The following GUCY2C variants were observed in gnomAD, a reference collection of about 807,000 sequenced individuals.
The protein encoded by GUCY2C is guanylate cyclase 2C, also known as guanylyl cyclase C.
Under a neutral mutation model 131.1 loss-of-function variants are expected in GUCY2C, and 118 were observed. The ratio of observed to expected loss-of-function variants is 0.90; its 90% CI spans 0.78 to 1.05. The LOEUF is 1.05. Among genes scored for constraint, GUCY2C ranks in the 50% least tolerant of loss-of-function variants. The pLI is 0.00. For synonymous variants in GUCY2C, 452 were observed against 457.8 expected (o/e 0.99, Z 0.16); for missense variants, 1,161 against 1,304.4 (o/e 0.89, Z 1.69).
intron 7 of GUCY2C, among the ~76,000 whole-genome samples, chr12:14,675,823 A>C (rs1175532651): frequency 6.6e-6 from 1 of 152,218 alleles, no homozygotes; most frequent in Non-Finnish European, 1.5e-5. Flanking sequence ...ATGGTCAAGT[A>C]ATATCCAGAT....
intron 11 of GUCY2C, among the ~76,000 whole-genome samples, chr12:14,657,369 A>G (rs558431198): frequency 1.3e-5 from 2 of 152,340 alleles, no homozygotes; most frequent in African/African-American, 4.8e-5. Flanking sequence ...CTTTTCAAAA[A>G]ATATGTTTAA....
chr12:14,636,914 C>G (rs368176771), intron 19 of GUCY2C, among the ~76,000 whole-genome samples: 1 of 151,820 alleles, frequency 6.6e-6, no homozygotes, highest in Admixed American at 6.6e-5. Context: ...CATGGTGAAA[C>G]CCCGTCTCTA....
Position 14,613,235 on chromosome 12 carries a change from T to C in GUCY2C, c.3104A>G (p.Gln1035Arg), listed in dbSNP as rs1366278110. 1.2e-6 allele frequency: 2 copies of C among 1,613,318 alleles called. No individual in the cohort carries two copies. Among genetic ancestry groups the C allele is most frequent in the Non-Finnish European group, 1.7e-6 (2 of 1,179,474 alleles). The change falls in exon 27 of 27, where the codon CAG becomes CGG. Residue 1035 changes from glutamine (Q) to arginine (R), a missense_variant. Transcript: ENST00000261170. The surrounding 1 kb of genome is among the most constrained non-coding windows in gnomAD (Gnocchi z 4.9). Reference protein sequence around the residue: ...EFSDMIANSLQKRQAAGIRSQ... With the variant: ...EFSDMIANSLRKRQAAGIRSQ... ...TCTTATCCCTGCTGCCTGTCTTTTCTGTAAAGAGTTGGCAATCATGTCTGA... is the reference window on the plus strand; with the variant it reads ...TCTTATCCCTGCTGCCTGTCTTTTCCGTAAAGAGTTGGCAATCATGTCTGA...
At chr12:14,658,774 T>G (rs1043630350) in intron 11 of GUCY2C, among the ~76,000 whole-genome samples, 2 of 151,818 alleles carry the variant, frequency 1.3e-5, no homozygotes, top group Admixed American at 6.6e-5. Flanking sequence ...CATTTAAAAC[T>G]CCACATAAAC....
rs1269925196 is a variant in GUCY2C, at chr12:14,622,084, G to A, written c.2522C>T (p.Thr841Ile). The change falls in exon 22 of 27, where the codon ACC becomes ATC. Residue 841 changes from threonine to isoleucine, a missense_variant. Physicochemically the swap from Thr to Ile is moderately conservative, Grantham distance 89 (BLOSUM62 -1). Coordinates refer to ENST00000261170, the MANE Select transcript of GUCY2C (RefSeq NM_004963.4). ...VGFTTICKYS[T>I]PMEVVDMLND... ...AAGCATGTCCACCACTTCCATGGGG[G>A]TGCTGTATTTGCAGATAGTAGTGAA... is the stretch of plus-strand genomic sequence containing the variant. 6.2e-7 allele frequency: 1 copy of A among 1,609,962 alleles called. No individual in the cohort carries two copies. Among genetic ancestry groups the A allele is most frequent in the Non-Finnish European group, 8.5e-7 (1 of 1,178,208 alleles).
At chr12:14,651,567 A>G in intron 14 of GUCY2C, 56 bp from the exon 15 acceptor site, 1 of 848,842 alleles carries the variant, frequency 1.2e-6, no homozygotes, top group Non-Finnish European at 2.0e-6. Flanking sequence ...TGCCAAAGTA[A>G]AAATTAATAT....
intron 11 of GUCY2C, among the ~76,000 whole-genome samples, chr12:14,657,175 G>T (rs776343554): frequency 6.6e-6 from 1 of 152,068 alleles, no homozygotes; most frequent in African/African-American, 2.4e-5. Flanking sequence ...ACTTTCCTAG[G>T]TTTTTCACTA....
In GUCY2C at chr12:14,661,046, C is replaced by A. The variant is rs1370374075; in HGVS notation, c.1299G>T (p.Met433Ile). 6.2e-7 allele frequency: 1 copy of A among 1,612,230 alleles called. No individual in the cohort carries two copies. The highest frequency in any genetic ancestry group is 1.7e-5 in the Admixed American group (1 of 60,012). ...DITGRGPQIL[M>I]IAVFTLTGAV... ...CTCCAGTGAGGGTGAAGACTGCAAT[C>A]ATCAGGATCTGAGGGCCTGTGGCGG... is the stretch of plus-strand genomic sequence containing the variant. The change falls in exon 11 of 27, where the codon ATG becomes ATT. Residue 433 changes from methionine to isoleucine, a missense_variant. Transcript: ENST00000261170.
chr12:14,619,503 G>A (rs1470872448), intron 23 of GUCY2C, 194 bp from the exon 24 acceptor site: 1 of 511,478 alleles, frequency 2.0e-6, no homozygotes, highest in Non-Finnish European at 3.5e-6. Flanking sequence ...TTCAATGCAT[G>A]CGATCATAAA....
At chr12:14,629,050 A>C (rs1009165249) in intron 19 of GUCY2C, among the ~76,000 whole-genome samples, 4 of 152,206 alleles carry the variant, frequency 2.6e-5, no homozygotes, top group Non-Finnish European at 5.9e-5. Context: ...AGAAAAAAAT[A>C]GTGAAGGTGT....
Position 14,657,859 on chromosome 12 carries a change from C to A in GUCY2C, c.1365-1242G>T, listed in dbSNP as rs1303898927. Among the ~76,000 whole-genome samples the A allele has an allele frequency of 7.2e-5, 11 of 152,162 alleles. 1 individual carries two copies. Among genetic ancestry groups the A allele is most frequent in the Admixed American group, 7.2e-4 (11 of 15,276 alleles). ...GAATTCTTGGGCTATAGACGATGTACACTTTCGACTTTGCAGATATCACCA... is the reference window on the plus strand; with the variant it reads ...GAATTCTTGGGCTATAGACGATGTAAACTTTCGACTTTGCAGATATCACCA... On this transcript the variant is annotated intron_variant, in intron 11 of 26. Coordinates refer to ENST00000261170, the MANE Select transcript of GUCY2C (RefSeq NM_004963.4).
chr12:14,671,436 C>T (rs1948108339), intron 9 of GUCY2C, among the ~76,000 whole-genome samples: 1 of 152,122 alleles, frequency 6.6e-6, no homozygotes, highest in South Asian at 2.1e-4. Context: ...CTGCACCCTG[C>T]CCAATGTTAC....
At chr12:14,646,218 C>T (rs958292511) in intron 15 of GUCY2C, among the ~76,000 whole-genome samples, 6 of 152,222 alleles carry the variant, frequency 3.9e-5, no homozygotes, top group African/African-American at 1.4e-4. Context: ...TAATACATAA[C>T]TGTTCTTCAC....
intron 9 of GUCY2C, 39 bp from the exon 10 acceptor site, chr12:14,669,872 A>G (rs112826773): frequency 2.5e-6 from 2 of 802,014 alleles, no homozygotes; most frequent in South Asian, 3.2e-5. Flanking sequence ...ATGAACAGTA[A>G]AACATTATAG....
At position 14,676,109 on chromosome 12, in the gene GUCY2C, C is replaced by G. The variant is rs574426325; in HGVS notation, c.948+745G>C. 9.3e-4 allele frequency among the ~76,000 whole-genome samples: 142 copies of G among 152,236 alleles called. 4 individuals carry two copies. In the South Asian group the frequency reaches 0.029, roughly 31 times the overall value. ...AGTTGTTTAAGGTCATCAGCATTGC[C>G]TCTTCCTCCTCCTCCCATCCCAGCC... is the stretch of plus-strand genomic sequence containing the variant. On this transcript the variant is annotated intron_variant, in intron 7 of 26. Transcript: ENST00000261170.
chr12:14,641,546 G>T (rs116197969), intron 17 of GUCY2C, among the ~76,000 whole-genome samples: 1,843 of 152,260 alleles, frequency 0.012, 44 homozygotes, highest in African/African-American at 0.042. Flanking sequence ...TGTGGTAAAT[G>T]CTCAGTAAAT....
chr12:14,628,773 G>T, intron 19 of GUCY2C, 36 bp from the exon 20 acceptor site: 2 of 960,828 alleles, frequency 2.1e-6, no homozygotes, highest in Non-Finnish European at 3.4e-6. Context: ...TAGCTAAGGG[G>T]ATAGTAAACT....
At chr12:14,656,448 A>C in intron 12 of GUCY2C, 64 bp downstream of exon 12, 1 of 799,254 alleles carries the variant, frequency 1.3e-6, no homozygotes, top group Non-Finnish European at 2.2e-6. Context: ...CTGCAATGCT[A>C]CTTAAGTCTT....
chr12:14,674,550 CT>C (rs1439898766), intron 8 of GUCY2C, 74 bp downstream of exon 8: 1 of 1,381,390 alleles, frequency 7.2e-7, no homozygotes, highest in Non-Finnish European at 1.0e-6. Flanking sequence ...GCTAAACCTT[CT>C]TTGTTGCCCC....
Sources: gnomAD v4.1 joint callset for allele counts (sites outside exome capture counted in the v4.1 genomes callset) on GRCh38, gnomAD v4.1.1 for gene constraint, Gnocchi (gnomAD v3.1) non-coding constraint, MANE v1.5 for transcripts, NCBI Gene and HGNC (gene_info 2026-07-23, HGNC 2026-07-21) for gene names.